MTUS1: variants seen among roughly 807,000 people sequenced by gnomAD.
MTUS1 encodes microtubule-associated tumor suppressor 1.
A neutral mutation model predicts 120.8 loss-of-function variants in MTUS1; 109 were observed. That is an observed-to-expected ratio of 0.90 (90% CI 0.77 to 1.06). MTUS1 has a LOEUF of 1.06. Among genes scored for constraint, MTUS1 ranks in the 50% least tolerant of loss-of-function variants. The pLI is 0.00. For synonymous variants in MTUS1, 737 were observed against 550.5 expected, an observed-to-expected ratio of 1.34 and a Z score of -4.74; for missense variants, 2,210 against 1,486.3, an observed-to-expected ratio of 1.49 and a Z score of -8.01.
At chr8:17,696,320 TAGTC>T (rs1307771108) in intron 6 of MTUS1, among the ~76,000 whole-genome samples, 1 of 151,640 alleles carries the variant, frequency 6.6e-6, no homozygotes, top group African/African-American at 2.4e-5. Flanking sequence ...AAACTAAAAA[TAGTC>T]AGCTGAAAAC....
rs1822218379 is a variant in MTUS1 at position 17,715,852 on chromosome 8, T to C, written c.2499A>G (p.Ala833=). 2 of 1,613,882 alleles carry C rather than the reference T, an allele frequency of 1.2e-6. No individual in the cohort carries two copies. Among genetic ancestry groups the C allele is most frequent in the South Asian group, 2.2e-5 (2 of 91,070 alleles). The change falls in exon 5 of 15, where the codon GCA becomes GCG. Residue 833 remains alanine (A), a synonymous_variant. Transcript: ENST00000693296. ...IKYEEKPPKP[A]FQNGSSGSFY... ...AGGATCCTGAGGAACCATTCTGAAA[T>C]GCTGGTTTTGGAGGTTTCTCCTCAT...
chr8:17,696,075 T>A (rs572551439), intron 6 of MTUS1, among the ~76,000 whole-genome samples: 1 of 152,338 alleles, frequency 6.6e-6, no homozygotes, highest in African/African-American at 2.4e-5. Context: ...GCACCCTTTG[T>A]TATTTTTCCC....
chr8:17,652,918 A>G (rs561669596), intron 12 of MTUS1, among the ~76,000 whole-genome samples: 2 of 152,070 alleles, frequency 1.3e-5, no homozygotes, highest in Admixed American at 1.3e-4. Flanking sequence ...GTCTTCACAT[A>G]AAACTCTAAT....
chr8:17,750,287 CA>C (rs1490819622), intron 2 of MTUS1, among the ~76,000 whole-genome samples: 1 of 152,196 alleles, frequency 6.6e-6, no homozygotes, highest in Non-Finnish European at 1.5e-5. Flanking sequence ...TGACTGTACA[CA>C]AACTAACAAA....
rs1389233647 is a variant in MTUS1 at position 17,755,948 on chromosome 8, T to C, written c.-141A>G. On this transcript the variant is annotated 5_prime_UTR_variant, in exon 2 of 15. Coordinates refer to ENST00000693296, the MANE Select transcript of MTUS1 (RefSeq NM_001363059.2). ...AGTCTAAGATGCTCTGAAGATTAAA[T>C]GATTTGTTGTTCCCTGGAAGAAATA... 1.4e-6 allele frequency: 2 copies of C among 1,427,538 alleles called. No homozygotes were observed. The highest frequency in any genetic ancestry group is 1.6e-5 in the South Asian group (1 of 64,190). The allele number at this position is 1,427,538 out of a possible 1,614,324, so 88.4% of individuals were successfully genotyped here.
chr8:17,765,337 A>G (rs774199084), intron 1 of MTUS1, among the ~76,000 whole-genome samples: 2 of 152,148 alleles, frequency 1.3e-5, no homozygotes, highest in Non-Finnish European at 2.9e-5. Flanking sequence ...AATCAAAACT[A>G]GCTGTCATTG....
chr8:17,646,865 T>A, intron 14 of MTUS1, 117 bp downstream of exon 14: 2 of 717,248 alleles, frequency 2.8e-6, no homozygotes, highest in Non-Finnish European at 4.9e-6. Flanking sequence ...AATGCCCTTT[T>A]AACCATCTGC....
chr8:17,685,305 G>A (rs1397915975), intron 6 of MTUS1, among the ~76,000 whole-genome samples: 1 of 151,608 alleles, frequency 6.6e-6, no homozygotes. Flanking sequence ...TGGTGCCCTG[G>A]GTATTACTCT....
At chr8:17,666,308 G>A (rs1265045828) in intron 8 of MTUS1, among the ~76,000 whole-genome samples, 1 of 151,276 alleles carries the variant, frequency 6.6e-6, no homozygotes, top group Non-Finnish European at 1.5e-5. Flanking sequence ...ATGATTTTAA[G>A]TCAGGGACTA....
At chr8:17,783,103 C>CAT (rs34890414) in intron 1 of MTUS1, among the ~76,000 whole-genome samples, 1 of 152,058 alleles carries the variant, frequency 6.6e-6, no homozygotes, top group East Asian at 1.9e-4. Context: ...AACACACACA[C>CAT]GCCCTTAAGA....
At chr8:17,777,495 C>T (rs2050546875) in intron 1 of MTUS1, among the ~76,000 whole-genome samples, 1 of 150,482 alleles carries the variant, frequency 6.6e-6, no homozygotes, top group African/African-American at 2.4e-5. Flanking sequence ...GTCCCTGGAA[C>T]TAAATAACAT....
In MTUS1 at chr8:17,760,479, T is replaced by TCAC. The variant is rs769744110; in HGVS notation, c.-154-4521_-154-4519dup. On this transcript the variant is annotated intron_variant, in intron 1 of 14. Coordinates refer to ENST00000693296, the MANE Select transcript of MTUS1 (RefSeq NM_001363059.2). ...ATGAAAAGAAAACAATGGCTTTAAG[T>TCAC]CACCACCACCACCACCATGAAGACA... 2.0e-4 allele frequency among the ~76,000 whole-genome samples: 31 copies of TCAC among 152,012 alleles called. No individual in the cohort carries two copies. The South Asian group carries it at 2.5e-3, about 12-fold the overall frequency.
At chr8:17,677,960 G>C (rs1441528714) in intron 7 of MTUS1, among the ~76,000 whole-genome samples, 1 of 152,114 alleles carries the variant, frequency 6.6e-6, no homozygotes, top group African/African-American at 2.4e-5. Context: ...CTGCCTTCAA[G>C]AAGCATGGGG....
At chr8:17,649,800 T>C (rs571065263) in intron 13 of MTUS1, 46 bp downstream of exon 13, 1 of 1,061,662 alleles carries the variant, frequency 9.4e-7, no homozygotes, top group African/African-American at 1.6e-5. Context: ...ATTTCACACA[T>C]ATTACCCCAT....
intron 1 of MTUS1, chr8:17,770,292 T>C (rs928632386): frequency 2.6e-5 from 4 of 152,132 alleles, no homozygotes; most frequent in African/African-American, 9.7e-5. Flanking sequence ...TAATAAAGTA[T>C]GATAAATACC....
At chr8:17,739,048 C>G (rs1173277929) in intron 3 of MTUS1, among the ~76,000 whole-genome samples, 1 of 151,986 alleles carries the variant, frequency 6.6e-6, no homozygotes, top group Non-Finnish European at 1.5e-5. Context: ...GACGCTGAGA[C>G]AGGAGGATTT....
At chr8:17,647,788 T>A (rs75640694) in intron 13 of MTUS1, among the ~76,000 whole-genome samples, 327 of 152,324 alleles carry the variant, frequency 2.1e-3, no homozygotes, top group Non-Finnish European at 3.7e-3. Context: ...CTTAACATGA[T>A]GAAGACCTGA....
rs1052521562 is a variant in MTUS1 at position 17,715,064 on chromosome 8, C to G, written c.2584+703G>C. On this transcript the variant is annotated intron_variant, in intron 5 of 14. Transcript: ENST00000693296. Reference sequence around the variant, plus strand: ...GGGACTACAGGTACACACGACCATGCCCAGCTAATTTTTGTATTTTTAGTA... The same window carrying G: ...GGGACTACAGGTACACACGACCATGGCCAGCTAATTTTTGTATTTTTAGTA... Among the ~76,000 whole-genome samples the G allele has an allele frequency of 4.6e-5, 7 of 151,682 alleles. No homozygotes were observed. In the South Asian group the frequency reaches 1.5e-3, roughly 32 times the overall value.
Position 17,646,022 on chromosome 8 carries a change from C to G in MTUS1, c.3717G>C (p.Leu1239=). The G allele has an allele frequency of 6.2e-7, 1 of 1,613,716 alleles. No individual in the cohort carries two copies. The highest frequency in any genetic ancestry group is 8.5e-7 in the Non-Finnish European group (1 of 1,179,968). Residue 1239 remains leucine (L), a synonymous_variant, in exon 15 of 15, where the codon CTG becomes CTC. Coordinates refer to ENST00000693296, the MANE Select transcript of MTUS1 (RefSeq NM_001363059.2). ...ELLWKLHNGD[L]CSPKRSPTSS... ...ATGTGGGGGATCTCTTGGGGCTACA[C>G]AGGTCCCCATTGTGCAGTTTCCACA...
Sources: allele counts gnomAD v4.1 joint callset (sites outside exome capture counted in the v4.1 genomes callset), GRCh38; gene constraint gnomAD v4.1.1; transcripts MANE v1.5; gene names NCBI Gene and HGNC (gene_info 2026-07-23, HGNC 2026-07-21).